Variants in CDC14B observed in about 807,000 individuals in gnomAD.
The protein encoded by CDC14B is dual specificity protein phosphatase CDC14B.
A neutral mutation model predicts 64.2 loss-of-function variants in CDC14B; 22 were observed. That is an observed-to-expected ratio of 0.34 (90% CI 0.24 to 0.49). The LOEUF is 0.49. CDC14B is among the 20% of genes least tolerant of loss of function. CDC14B has a pLI of 0.99. For missense variants in CDC14B, 498 were observed against 629.9 expected, an observed-to-expected ratio of 0.79 and a Z score of 2.24; for synonymous variants, 191 against 215.8, an observed-to-expected ratio of 0.89 and a Z score of 1.01.
rs771670887 is a variant in CDC14B at position 96,566,838 on chromosome 9, C to G, written c.161-1355G>C. ...TCATGACTCCAAAGCATCTGGAAGG[C>G]GGGGCAGAGGCAAGGACTGCCAGCC... On this transcript the variant is annotated intron_variant, in intron 1 of 13. Coordinates refer to ENST00000375241, the MANE Select transcript of CDC14B (RefSeq NM_033331.4). The G allele has an allele frequency of 1.9e-6, 3 of 1,598,006 alleles. No homozygotes were observed. In the Admixed American group the frequency reaches 5.2e-5, roughly 27 times the overall value.
At chr9:96,531,675 C>T (rs1040519640) in intron 9 of CDC14B, among the ~76,000 whole-genome samples, 10 of 151,916 alleles carry the variant, frequency 6.6e-5, no homozygotes, top group Admixed American at 2.0e-4. Flanking sequence ...TATAATAATA[C>T]ACAAAAATTA....
chr9:96,609,341 T>C (rs1012799459), intron 1 of CDC14B, among the ~76,000 whole-genome samples: 3 of 152,196 alleles, frequency 2.0e-5, no homozygotes, highest in African/African-American at 7.2e-5. Context: ...GCTATTTAAA[T>C]GATGAAAAGA....
chr9:96,504,432 C>T (rs1360487547), intron 13 of CDC14B, among the ~76,000 whole-genome samples: 1 of 152,184 alleles, frequency 6.6e-6, no homozygotes, highest in African/African-American at 2.4e-5. Context: ...AGAAAAACCA[C>T]TTCCAATCTG....
At chr9:96,592,624 A>C (rs1220939819) in intron 1 of CDC14B, among the ~76,000 whole-genome samples, 1 of 152,146 alleles carries the variant, frequency 6.6e-6, no homozygotes, top group East Asian at 1.9e-4. Context: ...AAATAGAAAA[A>C]TTAGTCAGCA....
intron 4 of CDC14B, among the ~76,000 whole-genome samples, chr9:96,561,318 C>T (rs911683262): frequency 4.6e-5 from 7 of 152,134 alleles, no homozygotes; most frequent in Admixed American, 2.0e-4. Context: ...TCTTGAGGTA[C>T]GATTTCAACT....
intron 5 of CDC14B, among the ~76,000 whole-genome samples, chr9:96,542,429 A>G (rs1840189455): frequency 6.6e-6 from 1 of 152,228 alleles, no homozygotes; most frequent in Non-Finnish European, 1.5e-5. Context: ...GTAGAAGGTC[A>G]TAAGCATTTT....
chr9:96,585,266 A>G (rs540021085), intron 1 of CDC14B, among the ~76,000 whole-genome samples: 40 of 151,594 alleles, frequency 2.6e-4, no homozygotes, highest in East Asian at 1.9e-4. Context: ...ACGTGTATAC[A>G]TGTGGCATGG....
In CDC14B at chr9:96,515,527, G is replaced by T; in HGVS notation, c.1344-5738C>A. On this transcript the variant is annotated intron_variant, in intron 12 of 13. Transcript: ENST00000375241. This position sits in a 1 kb window ranked among gnomAD's most constrained non-coding sequence, Gnocchi z 4.3. ...CATTAATTGAAAAGATTCAGAAAAA[G>T]AACCTTTGAAAATAGGCAAACCAAC... 1 of 976,942 alleles carries T rather than the reference G, an allele frequency of 1.0e-6. No individual in the cohort carries two copies. The highest frequency in any genetic ancestry group is 1.4e-6 in the Non-Finnish European group (1 of 695,350). 60.5% of individuals were successfully genotyped at this position (976,942 alleles called of 1,614,324 possible).
Position 96,594,427 on chromosome 9 carries a change from C to T in CDC14B, c.160+24792G>A, listed in dbSNP as rs144172233. ...GCAAGTGAGAAAACTACTAAAGACC[C>T]AGGAGAGGGTGGCCGCAGTTGGTGC... is the stretch of plus-strand genomic sequence containing the variant. On this transcript the variant is annotated intron_variant, in intron 1 of 13. Coordinates refer to ENST00000375241, the MANE Select transcript of CDC14B (RefSeq NM_033331.4). 6.0e-3 allele frequency among the ~76,000 whole-genome samples: 916 copies of T among 152,206 alleles called. 9 individuals are homozygous for T. Among genetic ancestry groups the T allele is most frequent in the African/African-American group, 0.021 (858 of 41,524 alleles).
chr9:96,565,961 G>C (rs1371116606), intron 1 of CDC14B, among the ~76,000 whole-genome samples: 3 of 152,188 alleles, frequency 2.0e-5, no homozygotes. Context: ...TACAGCTATA[G>C]AACAAACCAT....
At chr9:96,528,247 C>A (rs772386648) in intron 9 of CDC14B, among the ~76,000 whole-genome samples, 1 of 152,144 alleles carries the variant, frequency 6.6e-6, no homozygotes, top group Non-Finnish European at 1.5e-5. Flanking sequence ...GCTGGCCGGG[C>A]GTGGTGGCTC....
intron 9 of CDC14B, among the ~76,000 whole-genome samples, chr9:96,528,687 G>A (rs1373623515): frequency 2.6e-5 from 4 of 152,148 alleles, no homozygotes; most frequent in Non-Finnish European, 5.9e-5. Context: ...TTCCATAGCA[G>A]CTGCATTGTT....
intron 9 of CDC14B, among the ~76,000 whole-genome samples, chr9:96,524,840 A>T (rs1285465330): frequency 6.6e-6 from 1 of 152,154 alleles, no homozygotes; most frequent in Non-Finnish European, 1.5e-5. Flanking sequence ...CCTTTTAATA[A>T]ATCTCCTACA....
intron 4 of CDC14B, among the ~76,000 whole-genome samples, chr9:96,559,550 A>C (rs1842893453): frequency 6.6e-6 from 1 of 152,202 alleles, no homozygotes; most frequent in South Asian, 2.1e-4. Context: ...TTGATGTGTT[A>C]TCTTTTCAGG....
downstream of CDC14B, among the ~76,000 whole-genome samples, chr9:96,499,676 A>G (rs775029189): frequency 1.3e-5 from 2 of 152,204 alleles, no homozygotes; most frequent in Admixed American, 6.5e-5. Context: ...TCAAACACTA[A>G]AGCCCTAACC....
At chr9:96,558,748 T>A (rs7849397) in intron 4 of CDC14B, among the ~76,000 whole-genome samples, 19,025 of 152,276 alleles carry the variant, frequency 0.12, 3,937 homozygotes, top group African/African-American at 0.43. Context: ...TCATTATCCC[T>A]CAATCTGGCC....
Position 96,502,475 on chromosome 9 carries a change from C to T in CDC14B, c.*1278G>A, listed in dbSNP as rs16910999. The T allele has an allele frequency of 0.069, 11,907 of 171,906 alleles. 1,535 individuals carry two copies. The highest frequency in any genetic ancestry group is 0.26 in the African/African-American group (11,170 of 42,368). The allele number at this position is 171,906 out of a possible 1,614,324, so 10.6% of individuals were successfully genotyped here. On this transcript the variant is annotated 3_prime_UTR_variant, in exon 14 of 14. Transcript: ENST00000375241. ...AGGGCATTTGTTTCCCACTGCCTGT[C>T]GACATCTCAGCCCTCCATGCTCCCG...
At position 96,607,292 on chromosome 9, in the gene CDC14B, A is replaced by G. The variant is rs1847014617; in HGVS notation, c.160+11927T>C. On this transcript the variant is annotated intron_variant, in intron 1 of 13. Coordinates refer to ENST00000375241, the MANE Select transcript of CDC14B (RefSeq NM_033331.4). ...CTACCTGAAAAGGCCCCCATGGATA[A>G]GGGATGCTTTGAGGTATTTCTTCCT... is the stretch of plus-strand genomic sequence containing the variant. Among the ~76,000 whole-genome samples, 4 of 152,056 alleles carry G rather than the reference A, an allele frequency of 2.6e-5. 1 individual carries two copies. The highest frequency in any genetic ancestry group is 9.6e-5 in the African/African-American group (4 of 41,498).
Position 96,501,034 on chromosome 9 carries a change from G to A in CDC14B, c.*2719C>T, listed in dbSNP as rs1833523951. ...GTAGGGGACAGGCTAGGGGCATCAA[G>A]CTCAGAACAGGGGAATTCTGGAGGC... On this transcript the variant is annotated 3_prime_UTR_variant, in exon 14 of 14. Coordinates refer to ENST00000375241, the MANE Select transcript of CDC14B (RefSeq NM_033331.4). 6.6e-6 allele frequency: 1 copy of A among 152,404 alleles called. No individual in the cohort carries two copies. Among genetic ancestry groups the A allele is most frequent in the Non-Finnish European group, 1.5e-5 (1 of 68,168 alleles). 9.4% of individuals were successfully genotyped at this position (152,404 alleles called of 1,614,324 possible). A position where few individuals can be genotyped will look rare whatever the true frequency, so the allele number is the denominator to read the frequency against.
Sources: allele counts gnomAD v4.1 joint callset (sites outside exome capture counted in the v4.1 genomes callset), GRCh38; gene constraint gnomAD v4.1.1; non-coding constraint Gnocchi (gnomAD v3.1); transcripts MANE v1.5; gene names NCBI Gene and HGNC (gene_info 2026-07-23, HGNC 2026-07-21).